Variants in MIB1 observed in about 807,000 individuals in gnomAD.
The protein encoded by MIB1 is E3 ubiquitin-protein ligase MIB1.
Under a neutral mutation model 124.5 loss-of-function variants are expected in MIB1, and 278 were observed. That is an observed-to-expected ratio of 2.23 (90% confidence interval 2.02 to 2.47). MIB1 has a LOEUF of 2.47. MIB1 is among the 30% of genes most tolerant of loss of function. MIB1 has a pLI of 0.00. For missense variants in MIB1, 957 were observed against 1,254.4 expected, an observed-to-expected ratio of 0.76 and a Z score of 3.58; for synonymous variants, 446 against 429.4, an observed-to-expected ratio of 1.04 and a Z score of -0.48.
At chr18:21,712,198 G>A (rs1208655719) in intron 1 of MIB1, 1 of 153,094 alleles carries the variant, frequency 6.5e-6, no homozygotes, top group Non-Finnish European at 1.5e-5. Flanking sequence ...TTATAGGTTG[G>A]TATAAAATGC....
Position 21,741,831 on chromosome 18 carries a change from G to C in MIB1, c.229+19G>C. Reference sequence around the variant, plus strand: ...CCCACCGGTAAGCCGCGGCCACCTGGCCAGGGCTTGCGCGCGCGGGGGGAA... The same window carrying C: ...CCCACCGGTAAGCCGCGGCCACCTGCCCAGGGCTTGCGCGCGCGGGGGGAA... On this transcript the variant is annotated intron_variant, in intron 1 of 20. Transcript: ENST00000261537. The surrounding 1 kb of genome is among the most constrained non-coding windows in gnomAD (Gnocchi z 5.4). 6.4e-7 allele frequency: 1 copy of C among 1,559,736 alleles called. No homozygotes were observed.
rs912086275 is a variant in MIB1, at chr18:21,815,763, C to G, written c.1627C>G (p.Leu543Val). 5 of 1,614,058 alleles carry G rather than the reference C, an allele frequency of 3.1e-6. No individual in the cohort carries two copies. Among genetic ancestry groups the G allele is most frequent in the Non-Finnish European group, 3.4e-6 (4 of 1,180,024 alleles). Residue 543 changes from leucine to valine, a missense_variant, in exon 11 of 21, where the codon CTT becomes GTT. Transcript: ENST00000261537. ...TCATATTGCTGTCAATAAAGGTCAT[C>G]TTCAAGTTGTGAAGACTTTATTGGA... is the stretch of plus-strand genomic sequence containing the variant. ...PLHIAVNKGH[L>V]QVVKTLLDFG...
chr18:21,721,421 T>C (rs1370459370), intron 1 of MIB1, among the ~76,000 whole-genome samples: 1 of 152,038 alleles, frequency 6.6e-6, no homozygotes, highest in African/African-American at 2.4e-5. Context: ...TCTCAAGTGA[T>C]CTGCCCGCCT....
chr18:21,795,328 AAATATAT>A (rs1309569484), intron 7 of MIB1, among the ~76,000 whole-genome samples: 1 of 136,970 alleles, frequency 7.3e-6, no homozygotes, highest in Non-Finnish European at 1.5e-5. Context: ...TATAATATAT[AAATATAT>A]AATATATATA....
In MIB1 at chr18:21,791,558, G is replaced by C. The variant is rs776359369; in HGVS notation, c.1092+1G>C. The C allele has an allele frequency of 1.9e-6, 3 of 1,607,800 alleles. No individual in the cohort carries two copies. Among genetic ancestry groups the C allele is most frequent in the Non-Finnish European group, 2.6e-6 (3 of 1,175,208 alleles). ...AGAATGGGCTGAAGCGATGCTTCCA[G>C]TAAGTATGTTTAGAATAATTCTGGG... On this transcript the variant is annotated splice_donor_variant, in intron 7 of 20. Transcript: ENST00000261537. LOFTEE classifies it high-confidence loss of function.
rs2042322485 is a variant in MIB1, at chr18:21,866,475, G to C, written c.*1809G>C. ...CTGATGATGTTCACATAAAGAGACA[G>C]ACAGACTATCATGTTGCAGACATGA... is the stretch of plus-strand genomic sequence containing the variant. On this transcript the variant is annotated 3_prime_UTR_variant, in exon 21 of 21. Coordinates refer to ENST00000261537, the MANE Select transcript of MIB1 (RefSeq NM_020774.4). The C allele has an allele frequency of 6.6e-6, 1 of 152,190 alleles. No individual in the cohort carries two copies. The highest frequency in any genetic ancestry group is 6.5e-5 in the Admixed American group (1 of 15,282). 9.4% of individuals were successfully genotyped at this position (152,190 alleles called of 1,614,324 possible). A position where few individuals can be genotyped will look rare whatever the true frequency, so the allele number is the denominator to read the frequency against.
intron 12 of MIB1, among the ~76,000 whole-genome samples, chr18:21,822,456 G>T (rs1359841912): frequency 3.9e-5 from 6 of 152,004 alleles, no homozygotes; most frequent in African/African-American, 1.5e-4. Flanking sequence ...TTGGTGTCAG[G>T]TGACATTTAA....
At chr18:21,812,823 C>T (rs372904065) in intron 10 of MIB1, among the ~76,000 whole-genome samples, 1 of 152,110 alleles carries the variant, frequency 6.6e-6, no homozygotes, top group African/African-American at 2.4e-5. Context: ...TTGAAATTCT[C>T]TTTTGGCACT....
At chr18:21,803,849 A>G (rs2146459510) in intron 9 of MIB1, 58 bp from the exon 10 acceptor site, 1 of 1,269,722 alleles carries the variant, frequency 7.9e-7, no homozygotes, top group East Asian at 2.4e-5. Flanking sequence ...CCGTATGTAT[A>G]TATTGCCTGT....
chr18:21,767,462 T>G (rs1448285536), intron 2 of MIB1, among the ~76,000 whole-genome samples: 1 of 152,186 alleles, frequency 6.6e-6, no homozygotes, highest in Non-Finnish European at 1.5e-5. Context: ...GTGGGAATTA[T>G]GGAAACTACA....
intron 1 of MIB1, among the ~76,000 whole-genome samples, chr18:21,726,374 A>G (rs1016722342): frequency 1.3e-5 from 2 of 152,180 alleles, no homozygotes; most frequent in Non-Finnish European, 2.9e-5. Flanking sequence ...GCAACATAGC[A>G]AGACCCCATC....
chr18:21,788,279 A>C (rs2041459753), intron 6 of MIB1, among the ~76,000 whole-genome samples: 1 of 152,238 alleles, frequency 6.6e-6, no homozygotes. Context: ...TCTTTGGGGA[A>C]GTGATATTAT....
At chr18:21,804,810 AT>A (rs2041686249) in intron 10 of MIB1, among the ~76,000 whole-genome samples, 2 of 152,164 alleles carry the variant, frequency 1.3e-5, no homozygotes, top group Non-Finnish European at 1.5e-5. Context: ...GATCAACCTG[AT>A]TTTACTAATT....
At chr18:21,719,578 C>T (rs539253779) in intron 1 of MIB1, among the ~76,000 whole-genome samples, 1 of 151,650 alleles carries the variant, frequency 6.6e-6, no homozygotes, top group Non-Finnish European at 1.5e-5. Context: ...TCCGGAGTAC[C>T]TGGGACGATG....
At chr18:21,752,316 A>G (rs1021725080) in intron 1 of MIB1, among the ~76,000 whole-genome samples, 2 of 152,146 alleles carry the variant, frequency 1.3e-5, no homozygotes, top group Non-Finnish European at 2.9e-5. Flanking sequence ...GAAATGTTAC[A>G]TGCTTTATAA....
intron 1 of MIB1, among the ~76,000 whole-genome samples, chr18:21,719,769 T>C (rs917126971): frequency 6.6e-6 from 1 of 152,064 alleles, no homozygotes; most frequent in African/African-American, 2.4e-5. Flanking sequence ...TTTTTACTTT[T>C]TTCTAAAAAC....
chr18:21,761,862 T>G (rs770940421), intron 1 of MIB1, among the ~76,000 whole-genome samples: 1 of 152,154 alleles, frequency 6.6e-6, no homozygotes, highest in Non-Finnish European at 1.5e-5. Context: ...AGGAAAGTCT[T>G]TCTAAGCACG....
At chr18:21,769,368 C>T (rs1244766966) in intron 3 of MIB1, among the ~76,000 whole-genome samples, 1 of 152,164 alleles carries the variant, frequency 6.6e-6, no homozygotes, top group Non-Finnish European at 1.5e-5. Flanking sequence ...GAGTCAGGCT[C>T]ACTTGGGCAG....
In MIB1 at chr18:21,815,817, A is replaced by G. The variant is rs2041825134; in HGVS notation, c.1677+4A>G. On this transcript the variant is annotated splice_donor_region_variant and intron_variant, in intron 11 of 20. Coordinates refer to ENST00000261537, the MANE Select transcript of MIB1 (RefSeq NM_020774.4). Reference sequence around the variant, plus strand: ...TGGCTGTCATCCCAGTCTCCAGGTAAAACCTTTAAAGAAACACATCCTGCA... The same window carrying G: ...TGGCTGTCATCCCAGTCTCCAGGTAGAACCTTTAAAGAAACACATCCTGCA... 3.1e-6 allele frequency: 5 copies of G among 1,613,634 alleles called. No individual in the cohort carries two copies. Among genetic ancestry groups the G allele is most frequent in the Non-Finnish European group, 4.2e-6 (5 of 1,179,530 alleles).
Sources: allele counts gnomAD v4.1 joint callset (sites outside exome capture counted in the v4.1 genomes callset), GRCh38; gene constraint gnomAD v4.1.1; non-coding constraint Gnocchi (gnomAD v3.1); transcripts MANE v1.5; gene names NCBI Gene and HGNC (gene_info 2026-07-23, HGNC 2026-07-21).